The following WWOX variants were observed in gnomAD, a reference collection of about 807,000 sequenced individuals.
WWOX encodes WW domain-containing oxidoreductase.
Under a neutral mutation model 46.2 loss-of-function variants are expected in WWOX, and 69 were observed. The observed-to-expected ratio is 1.49, with a 90% CI of 1.23 to 1.82. WWOX has a LOEUF of 1.82. WWOX is among the 40% of genes most tolerant of loss of function. The pLI, the probability that WWOX is intolerant of heterozygous loss-of-function variation, is 0.00. For missense variants in WWOX, 919 were observed against 542.6 expected (o/e 1.69, Z -6.89); for synonymous variants, 359 against 202.6 (o/e 1.77, Z -6.56).
chr16:78,332,869 A>C (rs1468491995), intron 5 of WWOX, among the ~76,000 whole-genome samples: 1 of 152,096 alleles, frequency 6.6e-6, no homozygotes, highest in Non-Finnish European at 1.5e-5. Context: ...CATGTCGCAC[A>C]GTTCAGTGTA....
At chr16:78,365,725 A>T (rs142025607) in intron 5 of WWOX, among the ~76,000 whole-genome samples, 12 of 151,964 alleles carry the variant, frequency 7.9e-5, no homozygotes, top group Non-Finnish European at 1.8e-4. Flanking sequence ...TCTGTAAGCA[A>T]TCTCCTTATT....
At chr16:79,078,554 T>C (rs1303757047) in intron 8 of WWOX, among the ~76,000 whole-genome samples, 1 of 152,200 alleles carries the variant, frequency 6.6e-6, no homozygotes, top group Non-Finnish European at 1.5e-5. Flanking sequence ...CATAGTACCG[T>C]GTACATTCAT....
chr16:78,418,521 A>G (rs1348651675), intron 6 of WWOX, among the ~76,000 whole-genome samples: 2 of 152,218 alleles, frequency 1.3e-5, no homozygotes, highest in East Asian at 3.9e-4. Context: ...ACTTTAGGTC[A>G]CTTTCACTTA....
At chr16:78,471,725 C>G (rs1367260630) in intron 8 of WWOX, among the ~76,000 whole-genome samples, 1 of 152,126 alleles carries the variant, frequency 6.6e-6, no homozygotes, top group African/African-American at 2.4e-5. Flanking sequence ...AAGCAATAGT[C>G]CCTGAACATC....
rs540182332 is a variant in WWOX at position 79,040,826 on chromosome 16, G to A, written c.1057-170782G>A. On this transcript the variant is annotated intron_variant, in intron 8 of 8. Coordinates refer to ENST00000566780, the MANE Select transcript of WWOX (RefSeq NM_016373.4). ...TCCGGAGAGCTCGGGGAGGAGCAAG[G>A]TTGTACTGGGATTTTTTTCCGATCA... Among the ~76,000 whole-genome samples the A allele has an allele frequency of 7.2e-5, 11 of 152,110 alleles. No homozygotes were observed. In the South Asian group the frequency reaches 1.2e-3, roughly 17 times the overall value.
At chr16:78,122,393 A>G (rs918958813) in intron 4 of WWOX, among the ~76,000 whole-genome samples, 2 of 152,184 alleles carry the variant, frequency 1.3e-5, no homozygotes, top group African/African-American at 4.8e-5. Context: ...AGAGTCATAC[A>G]AACTATTGTT....
chr16:78,875,582 C>A (rs80352542), intron 8 of WWOX, among the ~76,000 whole-genome samples: 2,523 of 152,270 alleles, frequency 0.017, 70 homozygotes, highest in African/African-American at 0.057. Flanking sequence ...CTTCCCGACT[C>A]TTCATATCCC....
chr16:79,072,936 T>G (rs973904299), intron 8 of WWOX, among the ~76,000 whole-genome samples: 1 of 152,146 alleles, frequency 6.6e-6, no homozygotes, highest in Non-Finnish European at 1.5e-5. Flanking sequence ...GGAAGTGTTT[T>G]CCCCATTTGG....
chr16:78,911,226 C>T (rs1232344281), intron 8 of WWOX, among the ~76,000 whole-genome samples: 2 of 151,968 alleles, frequency 1.3e-5, no homozygotes, highest in South Asian at 2.1e-4. Flanking sequence ...TTAATATTTC[C>T]AGAGCAATTT....
chr16:78,375,389 C>A (rs1304000215), intron 5 of WWOX, among the ~76,000 whole-genome samples: 1 of 152,182 alleles, frequency 6.6e-6, no homozygotes, highest in Admixed American at 6.5e-5. Context: ...AGCCTACTTG[C>A]ATTTCTATTT....
intron 8 of WWOX, among the ~76,000 whole-genome samples, chr16:78,464,637 C>T (rs1472568647): frequency 2.6e-5 from 4 of 152,142 alleles, no homozygotes; most frequent in African/African-American, 9.7e-5. Context: ...GATCTGTCTG[C>T]TTTTGCCCCT....
intron 8 of WWOX, among the ~76,000 whole-genome samples, chr16:78,817,804 C>G (rs1266422629): frequency 6.6e-6 from 1 of 152,142 alleles, no homozygotes; most frequent in Non-Finnish European, 1.5e-5. Flanking sequence ...GGAAAGAGTT[C>G]CAAGGCAGTC....
chr16:78,506,728 T>TTTTTTTTTTTTTTTTTTTTTTTTTTTTTG, intron 8 of WWOX, among the ~76,000 whole-genome samples: 1 of 93,630 alleles, frequency 1.1e-5, no homozygotes. Context: ...TTTTTTTTTT[T>TTTTTTTTTTTTTTTTTTTTTTTTTTTTTG]GTACAGAGTC....
rs1042871520 is a variant in WWOX at position 78,298,013 on chromosome 16, C to G, written c.517-88847C>G. On this transcript the variant is annotated intron_variant, in intron 5 of 8. Coordinates refer to ENST00000566780, the MANE Select transcript of WWOX (RefSeq NM_016373.4). ...TGCTGTGAGTGAGTTCTCATGAGAT[C>G]TGATGGTTTTGTGCGGGGCTTTTCC... is the stretch of plus-strand genomic sequence containing the variant. Among the ~76,000 whole-genome samples, 8 of 152,138 alleles carry G rather than the reference C, an allele frequency of 5.3e-5. No individual in the cohort carries two copies. The East Asian group carries it at 1.2e-3, about 22-fold the overall frequency.
At chr16:78,430,409 G>C (rs577481202) in intron 7 of WWOX, among the ~76,000 whole-genome samples, 76 of 152,270 alleles carry the variant, frequency 5.0e-4, no homozygotes, top group Non-Finnish European at 8.7e-4. Context: ...CATGTAAATA[G>C]TTGTTGCACT....
At chr16:78,679,623 TGAAAG>T (rs996899408) in intron 8 of WWOX, among the ~76,000 whole-genome samples, 2 of 152,314 alleles carry the variant, frequency 1.3e-5, no homozygotes, top group African/African-American at 4.8e-5. Flanking sequence ...TTTTAATTCT[TGAAAG>T]GAACAGTAAC....
chr16:78,232,846 C>CTTTTG (rs2037311939), intron 5 of WWOX, among the ~76,000 whole-genome samples: 1 of 151,368 alleles, frequency 6.6e-6, no homozygotes, highest in Non-Finnish European at 1.5e-5. Flanking sequence ...TCTTTCTTTT[C>CTTTTG]TTTTCTTTTT....
chr16:79,189,622 A>G (rs923463191), intron 8 of WWOX, among the ~76,000 whole-genome samples: 2 of 152,012 alleles, frequency 1.3e-5, no homozygotes, highest in Admixed American at 1.3e-4. Context: ...ATTTTTGAGG[A>G]ATAATTATTT....
chr16:78,944,659 G>A (rs16949001), intron 8 of WWOX, among the ~76,000 whole-genome samples: 1,674 of 152,206 alleles, frequency 0.011, 25 homozygotes, highest in African/African-American at 0.038. Flanking sequence ...AATTGCTTTT[G>A]CGGAGATTCG....
Sources: gnomAD v4.1 joint callset for allele counts (sites outside exome capture counted in the v4.1 genomes callset) on GRCh38, gnomAD v4.1.1 for gene constraint, MANE v1.5 for transcripts, NCBI Gene and HGNC (gene_info 2026-07-23, HGNC 2026-07-21) for gene names.